The following NTM variants were observed in gnomAD, a reference collection of about 807,000 sequenced individuals.
NTM encodes the protein neurotrimin.
In NTM, 13 loss-of-function variants were observed where a neutral mutation model predicts 42.1. The ratio of observed to expected loss-of-function variants is 0.31; its 90% CI spans 0.20 to 0.49. The LOEUF is 0.49. NTM is among the 20% of genes least tolerant of loss of function. The probability of loss-of-function intolerance (pLI) is 0.99; values close to 1 mark genes in which losing one functional copy is unlikely to be tolerated. For missense variants in NTM, 373 were observed against 452.8 expected (o/e 0.82, Z 1.60); for synonymous variants, 187 against 179.2 (o/e 1.04, Z -0.35).
At chr11:132,185,262 T>A (rs2078221515) in intron 3 of NTM, among the ~76,000 whole-genome samples, 1 of 152,230 alleles carries the variant, frequency 6.6e-6, no homozygotes, top group South Asian at 2.1e-4. Context: ...TGTCTGTGTG[T>A]GTACACACAA....
chr11:131,727,396 A>G (rs1291273440), intron 1 of NTM, among the ~76,000 whole-genome samples: 1 of 152,200 alleles, frequency 6.6e-6, no homozygotes, highest in East Asian at 1.9e-4. Flanking sequence ...TTTCATCCCA[A>G]CAGCTGCTGG....
chr11:131,500,569 ATATATATAT>A (rs1565569201), intron 1 of NTM, among the ~76,000 whole-genome samples: 4 of 58,090 alleles, frequency 6.9e-5, no homozygotes, highest in African/African-American at 2.3e-4. Flanking sequence ...ATATATATAT[ATATATATAT>A]TTTTTTTTTT....
At position 131,642,265 on chromosome 11, in the gene NTM, C is replaced by T. The variant is rs186515874; in HGVS notation, c.83-269299C>T. Among the ~76,000 whole-genome samples the T allele has an allele frequency of 2.0e-3, 300 of 152,260 alleles. 1 individual carries two copies. The highest frequency in any genetic ancestry group is 6.4e-3 in the African/African-American group (266 of 41,542). The stretch of plus-strand genomic sequence containing the variant: ...CTTGTGAAGACCACCAGGAACCTGA[C>T]TCCCAGGCATCCTCCACACATTAGA... On this transcript the variant is annotated intron_variant, in intron 1 of 8. Transcript: ENST00000683400.
intron 1 of NTM, among the ~76,000 whole-genome samples, chr11:131,746,284 TGG>T (rs1454993655): frequency 3.3e-5 from 5 of 152,276 alleles, no homozygotes; most frequent in African/African-American, 9.6e-5. Context: ...ACGGGCTGGT[TGG>T]GTACATTTCT....
chr11:131,593,526 C>G (rs1019960890), intron 1 of NTM, among the ~76,000 whole-genome samples: 9 of 152,348 alleles, frequency 5.9e-5, no homozygotes, highest in African/African-American at 1.9e-4. Flanking sequence ...GCCCCGCCCC[C>G]CTGCCATAGC....
intron 4 of NTM, among the ~76,000 whole-genome samples, chr11:132,292,459 C>T (rs902149562): frequency 1.3e-5 from 2 of 151,978 alleles, no homozygotes; most frequent in Admixed American, 6.6e-5. Flanking sequence ...CAGAGGACAG[C>T]GTGGATGGAG....
intron 1 of NTM, among the ~76,000 whole-genome samples, chr11:131,436,673 T>C (rs1363523265): frequency 4.6e-5 from 7 of 152,180 alleles, no homozygotes; most frequent in Non-Finnish European, 1.0e-4. Context: ...TTCTTCTCTC[T>C]TTTCTTCTTT....
chr11:131,960,712 A>G (rs1198743106), intron 2 of NTM, among the ~76,000 whole-genome samples: 4 of 152,170 alleles, frequency 2.6e-5, no homozygotes, highest in East Asian at 3.9e-4. Flanking sequence ...GAGTGGTTCT[A>G]TGACAAAAGA....
At chr11:131,734,752 C>A (rs2080193886) in intron 1 of NTM, among the ~76,000 whole-genome samples, 2 of 152,312 alleles carry the variant, frequency 1.3e-5, no homozygotes, top group South Asian at 4.1e-4. Flanking sequence ...AACTAAATAA[C>A]TATATCAGCA....
intron 1 of NTM, among the ~76,000 whole-genome samples, chr11:131,446,892 T>A (rs1230976358): frequency 1.3e-5 from 2 of 152,226 alleles, no homozygotes; most frequent in Non-Finnish European, 2.9e-5. Context: ...AGCTAAAAGC[T>A]GGCTGTGGTC....
At position 131,956,599 on chromosome 11, in the gene NTM, G is replaced by T. The variant is rs571444740; in HGVS notation, c.167+44951G>T. ...ACTGGGTTCCTTTCATCGGTGTCTC[G>T]GGGGGTTGGGGGTGGGGGAGCTGAG... On this transcript the variant is annotated intron_variant, in intron 2 of 8. Coordinates refer to ENST00000683400, the MANE Select transcript of NTM (RefSeq NM_001352005.2). 4.6e-5 allele frequency among the ~76,000 whole-genome samples: 7 copies of T among 152,120 alleles called. No individual in the cohort carries two copies. In the South Asian group the frequency reaches 1.2e-3, roughly 27 times the overall value.
At chr11:131,558,629 G>C (rs991415412) in intron 1 of NTM, among the ~76,000 whole-genome samples, 1 of 152,160 alleles carries the variant, frequency 6.6e-6, no homozygotes, top group Non-Finnish European at 1.5e-5. Flanking sequence ...ACTATTCTTT[G>C]CTAATGGGGT....
In NTM at chr11:132,187,214, C is replaced by CGT. The variant is rs55849086; in HGVS notation, c.401-24776_401-24775dup. 3.8e-3 allele frequency among the ~76,000 whole-genome samples: 569 copies of CGT among 148,456 alleles called. 5 individuals are homozygous for CGT. Among genetic ancestry groups the CGT allele is most frequent in the East Asian group, 0.01 (50 of 4,914 alleles). ...ACTGGAAAGGAGGTTGCTCAGATGG[C>CGT]GTGTGTGTGTGTGTGTGTGTGTGTG... On this transcript the variant is annotated intron_variant, in intron 3 of 8. Transcript: ENST00000683400.
At chr11:132,286,822 ATG>A (rs1372771476) in intron 4 of NTM, among the ~76,000 whole-genome samples, 1 of 152,138 alleles carries the variant, frequency 6.6e-6, no homozygotes, top group African/African-American at 2.4e-5. Flanking sequence ...AACTAGGGAG[ATG>A]CATCAGACTT....
intron 4 of NTM, among the ~76,000 whole-genome samples, chr11:132,232,841 C>T (rs2087909525): frequency 1.3e-5 from 2 of 152,196 alleles, no homozygotes; most frequent in African/African-American, 4.8e-5. Flanking sequence ...GGTGTTTTTA[C>T]ATTTTTGCAA....
At chr11:131,649,014 G>A (rs2066125355) in intron 1 of NTM, among the ~76,000 whole-genome samples, 1 of 152,188 alleles carries the variant, frequency 6.6e-6, no homozygotes, top group Admixed American at 6.5e-5. Context: ...GGCCCCCTGA[G>A]GTCCGCTGAT....
chr11:132,170,895 C>T (rs977798967), intron 3 of NTM, among the ~76,000 whole-genome samples: 8 of 152,106 alleles, frequency 5.3e-5, no homozygotes, highest in African/African-American at 1.7e-4. Context: ...ATGGGGATTG[C>T]GGTATTTGAG....
chr11:131,936,541 G>A (rs59150409), intron 2 of NTM, among the ~76,000 whole-genome samples: 1,555 of 152,300 alleles, frequency 0.01, 33 homozygotes, highest in African/African-American at 0.036. Flanking sequence ...TGGATACAAT[G>A]TATACTACTT....
At position 132,176,825 on chromosome 11, in the gene NTM, T is replaced by C. The variant is rs2076902699; in HGVS notation, c.400+30311T>C. Among the ~76,000 whole-genome samples, 4 of 147,066 alleles carry C rather than the reference T, an allele frequency of 2.7e-5. No homozygotes were observed. The South Asian group carries it at 6.6e-4, about 24-fold the overall frequency. On this transcript the variant is annotated intron_variant, in intron 3 of 8. Transcript: ENST00000683400. ...CTCACTGCAACCTCTGCCTCCTCAG[T>C]TCAAGTGATTATCTTGCCTCAGCCT...
Sources: allele counts gnomAD v4.1 joint callset (sites outside exome capture counted in the v4.1 genomes callset), GRCh38; gene constraint gnomAD v4.1.1; transcripts MANE v1.5; gene names NCBI Gene and HGNC (gene_info 2026-07-23, HGNC 2026-07-21).